The following ADGRV1 variants were observed in gnomAD, a reference collection of about 807,000 sequenced individuals.
ADGRV1 encodes the protein G-protein coupled receptor 98.
A neutral mutation model predicts 596.2 loss-of-function variants in ADGRV1; 359 were observed. The ratio of observed to expected loss-of-function variants is 0.60; its 90% CI spans 0.55 to 0.66. The LOEUF (loss-of-function observed/expected upper bound fraction) is 0.66, where lower values mean the gene tolerates loss of function less well. Ranked by LOEUF, ADGRV1 falls within the 30% of genes least tolerant of loss-of-function variation. The pLI is 0.00. For missense variants in ADGRV1, 7,274 were observed against 7,575.6 expected, an observed-to-expected ratio of 0.96 and a Z score of 1.48; for synonymous variants, 2,681 against 2,679.2, an observed-to-expected ratio of 1.00 and a Z score of -0.02.
intron 83 of ADGRV1, among the ~76,000 whole-genome samples, chr5:90,913,029 A>G (rs1773034226): frequency 6.6e-6 from 1 of 152,226 alleles, no homozygotes; most frequent in African/African-American, 2.4e-5. Context: ...CTAGGCAAAC[A>G]TTTTAACTTG....
chr5:90,632,129 T>A (rs1243907275), intron 9 of ADGRV1, among the ~76,000 whole-genome samples: 1 of 152,162 alleles, frequency 6.6e-6, no homozygotes, highest in African/African-American at 2.4e-5. Context: ...AAGTATATGT[T>A]TAAGGGCTTT....
At chr5:90,742,987 A>G (rs2139192) in intron 50 of ADGRV1, among the ~76,000 whole-genome samples, 10,857 of 152,138 alleles carry the variant, frequency 0.071, 1,322 homozygotes, top group African/African-American at 0.25. Context: ...GGAATATGTT[A>G]AGTTTGCCAT....
At chr5:91,072,644 G>A (rs41308242) in intron 86 of ADGRV1, 40 bp downstream of exon 86, 39 of 1,569,694 alleles carry the variant, frequency 2.5e-5, no homozygotes, top group African/African-American at 1.6e-4. Context: ...AGATGGAAAC[G>A]CTTTAATGGT....
intron 1 of ADGRV1, among the ~76,000 whole-genome samples, chr5:90,560,137 C>T (rs544939760): frequency 9.9e-5 from 15 of 152,268 alleles, no homozygotes; most frequent in Non-Finnish European, 1.5e-4. Context: ...TGACTTCGGA[C>T]ATTCACCCAT....
chr5:91,129,269 T>A (rs1346090985), intron 87 of ADGRV1, among the ~76,000 whole-genome samples: 3 of 152,162 alleles, frequency 2.0e-5, no homozygotes, highest in African/African-American at 4.8e-5. Flanking sequence ...ACTTTTAAAT[T>A]TTCTCCCCAC....
At chr5:90,812,432 C>T (rs1762525330) in intron 74 of ADGRV1, among the ~76,000 whole-genome samples, 1 of 152,140 alleles carries the variant, frequency 6.6e-6, no homozygotes, top group African/African-American at 2.4e-5. Context: ...TTTAATCAAG[C>T]TAGTTAACAT....
intron 83 of ADGRV1, among the ~76,000 whole-genome samples, chr5:90,928,422 A>G (rs927345626): frequency 6.6e-5 from 10 of 151,062 alleles, no homozygotes; most frequent in Non-Finnish European, 1.5e-4. Flanking sequence ...AGTTGATCGC[A>G]TCGGCTCCTG....
intron 13 of ADGRV1, among the ~76,000 whole-genome samples, chr5:90,643,248 A>G (rs910350762): frequency 6.6e-6 from 1 of 152,144 alleles, no homozygotes; most frequent in East Asian, 1.9e-4. Flanking sequence ...TTTGCTCCAC[A>G]TGAAGAAATA....
intron 85 of ADGRV1, among the ~76,000 whole-genome samples, chr5:91,006,653 T>A (rs1782304218): frequency 6.6e-6 from 1 of 152,196 alleles, no homozygotes; most frequent in South Asian, 2.1e-4. Flanking sequence ...TGCTACAGAT[T>A]ATTCACAACA....
intron 84 of ADGRV1, among the ~76,000 whole-genome samples, chr5:90,974,120 T>C (rs1779329159): frequency 6.6e-6 from 1 of 151,934 alleles, no homozygotes; most frequent in African/African-American, 2.4e-5. Context: ...GAGAATAAAA[T>C]ACCTAGGAAT....
At chr5:90,975,018 A>G (rs1033622648) in intron 84 of ADGRV1, among the ~76,000 whole-genome samples, 3 of 151,248 alleles carry the variant, frequency 2.0e-5, no homozygotes, top group African/African-American at 4.9e-5. Flanking sequence ...AAAACAAACA[A>G]CCCCATCACA....
At chr5:90,668,200 TC>T (rs1318339874) in intron 21 of ADGRV1, among the ~76,000 whole-genome samples, 14 of 151,662 alleles carry the variant, frequency 9.2e-5, no homozygotes, top group African/African-American at 3.1e-4. Flanking sequence ...CGGGCGCCCC[TC>T]CCCCAGCCTC....
intron 83 of ADGRV1, among the ~76,000 whole-genome samples, chr5:90,907,380 C>T (rs1772425155): frequency 1.3e-5 from 2 of 152,048 alleles, no homozygotes; most frequent in South Asian, 4.1e-4. Context: ...AGATAAAAAT[C>T]TGCTAATTTG....
At chr5:90,994,914 A>G (rs572766711) in intron 85 of ADGRV1, among the ~76,000 whole-genome samples, 2 of 152,332 alleles carry the variant, frequency 1.3e-5, no homozygotes, top group East Asian at 1.9e-4. Flanking sequence ...ATGTTGGGGC[A>G]TGACTTCAAC....
chr5:91,088,656 G>A (rs1790103185), intron 86 of ADGRV1, among the ~76,000 whole-genome samples: 1 of 152,044 alleles, frequency 6.6e-6, no homozygotes, highest in Non-Finnish European at 1.5e-5. Context: ...AAAAATGGAA[G>A]CATGTAGTTA....
chr5:91,062,177 C>T (rs533861981), intron 85 of ADGRV1, among the ~76,000 whole-genome samples: 1 of 152,230 alleles, frequency 6.6e-6, no homozygotes, highest in East Asian at 1.9e-4. Flanking sequence ...CTCTTGCTTC[C>T]TCTTCCCCTT....
At chr5:91,120,191 A>G (rs1358705876) in intron 87 of ADGRV1, among the ~76,000 whole-genome samples, 1 of 152,184 alleles carries the variant, frequency 6.6e-6, no homozygotes, top group Admixed American at 6.5e-5. Flanking sequence ...TGTCTTGTAA[A>G]GAGGGATGAA....
At position 90,729,651 on chromosome 5, in the gene ADGRV1, A is replaced by G; in HGVS notation, c.10436A>G (p.Asn3479Ser). The G allele has an allele frequency of 6.2e-7, 1 of 1,604,738 alleles. No individual in the cohort carries two copies. The highest frequency in any genetic ancestry group is 8.5e-7 in the Non-Finnish European group (1 of 1,172,738). Residue 3479 changes from asparagine to serine, a missense_variant, in exon 50 of 90, where the codon AAT becomes AGT. By Grantham distance (46) the Asn-to-Ser change is conservative (BLOSUM62 1). Coordinates refer to ENST00000405460, the MANE Select transcript of ADGRV1 (RefSeq NM_032119.4). ...FAENVFLGDQ[N>S]SIDIFIWEMG... Reference sequence around the variant, plus strand: ...TATTTCATTATTGCAGGAGATCAGAATTCAATTGATATTTTCATCTGGGAG... The same window carrying G: ...TATTTCATTATTGCAGGAGATCAGAGTTCAATTGATATTTTCATCTGGGAG...
chr5:90,792,017 G>T (rs1760135180), intron 70 of ADGRV1: 1 of 152,130 alleles, frequency 6.6e-6, no homozygotes, highest in Non-Finnish European at 1.5e-5. Context: ...ATCATCCTCT[G>T]TGCATGCATT....
Sources: gnomAD v4.1 joint callset for allele counts (sites outside exome capture counted in the v4.1 genomes callset) on GRCh38, gnomAD v4.1.1 for gene constraint, MANE v1.5 for transcripts, NCBI Gene and HGNC (gene_info 2026-07-23, HGNC 2026-07-21) for gene names.